CTTNBP2: variants seen among roughly 807,000 people sequenced by gnomAD.
CTTNBP2 encodes cortactin binding protein 2.
CTTNBP2 carries 108 observed loss-of-function variants against 156.9 expected under a neutral mutation model. The ratio of observed to expected loss-of-function variants is 0.69; its 90% CI spans 0.59 to 0.81. The LOEUF is 0.81. CTTNBP2 is among the 30% of genes least tolerant of loss of function. The pLI is 0.00. For missense variants in CTTNBP2, 1,924 were observed against 2,035.4 expected (o/e 0.95, Z 1.05); for synonymous variants, 767 against 751.8 (o/e 1.02, Z -0.33).
intron 14 of CTTNBP2, among the ~76,000 whole-genome samples, chr7:117,740,705 T>C (rs1443716617): frequency 6.6e-6 from 1 of 152,224 alleles, no homozygotes; most frequent in African/African-American, 2.4e-5. Context: ...TTCTCTACCC[T>C]GTGGCCTCAT....
chr7:117,753,349 C>T (rs1796719119), intron 12 of CTTNBP2, among the ~76,000 whole-genome samples: 1 of 152,142 alleles, frequency 6.6e-6, no homozygotes, highest in Non-Finnish European at 1.5e-5. Context: ...TGTGGCGACT[C>T]CTCATTTCTT....
chr7:117,737,970 G>A (rs1177429354), intron 14 of CTTNBP2, among the ~76,000 whole-genome samples: 1 of 152,200 alleles, frequency 6.6e-6, no homozygotes, highest in African/African-American at 2.4e-5. Flanking sequence ...TCAGATCAAG[G>A]TCAGAATAGT....
chr7:117,753,512 C>T (rs1391882204), intron 12 of CTTNBP2, among the ~76,000 whole-genome samples: 1 of 152,142 alleles, frequency 6.6e-6, no homozygotes, highest in East Asian at 1.9e-4. Context: ...TCTAAATGCC[C>T]ATCAATTATA....
At chr7:117,809,587 T>C (rs1800144699) in intron 3 of CTTNBP2, among the ~76,000 whole-genome samples, 1 of 152,200 alleles carries the variant, frequency 6.6e-6, no homozygotes, top group African/African-American at 2.4e-5. Flanking sequence ...TGATTTTGCC[T>C]TACATCTATG....
intron 2 of CTTNBP2, among the ~76,000 whole-genome samples, chr7:117,836,529 C>T (rs1370161658): frequency 6.6e-6 from 1 of 152,186 alleles, no homozygotes; most frequent in Non-Finnish European, 1.5e-5. Flanking sequence ...CGCCACTGCA[C>T]TCCAGCCTGG....
At chr7:117,725,004 T>C in intron 18 of CTTNBP2, 48 bp downstream of exon 18, 1 of 1,543,392 alleles carries the variant, frequency 6.5e-7, no homozygotes, top group Non-Finnish European at 8.9e-7. Context: ...TTAAAAGGTA[T>C]TTCACAAGGG....
At chr7:117,872,962 TG>T (rs1563084196) in intron 1 of CTTNBP2, among the ~76,000 whole-genome samples, 1 of 149,800 alleles carries the variant, frequency 6.7e-6, no homozygotes, top group African/African-American at 2.5e-5. Flanking sequence ...AGGTGAACAA[TG>T]GGGGGTCAAA....
chr7:117,742,941 G>GC (rs1374357241), intron 14 of CTTNBP2, among the ~76,000 whole-genome samples: 1 of 152,218 alleles, frequency 6.6e-6, no homozygotes, highest in African/African-American at 2.4e-5. Flanking sequence ...ATGGGGGCAT[G>GC]CCCCATTCTC....
chr7:117,787,549 AAGAAAAAAC>A (rs749308588), intron 4 of CTTNBP2, among the ~76,000 whole-genome samples: 9 of 152,232 alleles, frequency 5.9e-5, no homozygotes, highest in Non-Finnish European at 1.0e-4. Context: ...CAAATAAAAA[AAGAAAAAAC>A]AGAAAAAACA....
At chr7:117,854,782 T>G (rs1803171197) in intron 2 of CTTNBP2, among the ~76,000 whole-genome samples, 1 of 151,908 alleles carries the variant, frequency 6.6e-6, no homozygotes, top group African/African-American at 2.4e-5. Flanking sequence ...ATTAATTAAT[T>G]AATTTATTTA....
At chr7:117,747,471 C>A (rs975644540) in intron 12 of CTTNBP2, among the ~76,000 whole-genome samples, 3 of 152,168 alleles carry the variant, frequency 2.0e-5, no homozygotes, top group Admixed American at 6.5e-5. Flanking sequence ...TTACCCTAGG[C>A]CTTTAAGACT....
intron 3 of CTTNBP2, among the ~76,000 whole-genome samples, chr7:117,810,496 T>TAG (rs1246477993): frequency 6.6e-6 from 1 of 152,096 alleles, no homozygotes; most frequent in East Asian, 1.9e-4. Flanking sequence ...AACATATATA[T>TAG]AGAGAGAGAT....
At chr7:117,842,301 A>G (rs948539866) in intron 2 of CTTNBP2, among the ~76,000 whole-genome samples, 1 of 152,240 alleles carries the variant, frequency 6.6e-6, no homozygotes, top group Middle Eastern at 3.4e-3. Flanking sequence ...CCCAAGTTCA[A>G]GCAATTCTCC....
intron 2 of CTTNBP2, among the ~76,000 whole-genome samples, chr7:117,829,690 C>T (rs565635086): frequency 2.0e-5 from 3 of 152,306 alleles, no homozygotes; most frequent in African/African-American, 4.8e-5. Context: ...CTCTGTGCTA[C>T]AGTAAATGCC....
intron 14 of CTTNBP2, among the ~76,000 whole-genome samples, chr7:117,739,053 G>A (rs935341555): frequency 6.6e-6 from 1 of 152,104 alleles, no homozygotes; most frequent in African/African-American, 2.4e-5. Context: ...GCTTTCTTTG[G>A]GGGAAAGCTT....
At chr7:117,869,722 A>C (rs755688990) in intron 1 of CTTNBP2, among the ~76,000 whole-genome samples, 2 of 152,184 alleles carry the variant, frequency 1.3e-5, no homozygotes, top group African/African-American at 4.8e-5. Flanking sequence ...ATACAATAAC[A>C]ATGACAGCAA....
rs1374228529 is a variant in CTTNBP2, at chr7:117,784,343, G to A, written c.2180C>T (p.Ser727Leu). The A allele has an allele frequency of 1.2e-6, 2 of 1,612,706 alleles. No homozygotes were observed. Among genetic ancestry groups the A allele is most frequent in the East Asian group, 4.5e-5 (2 of 44,710 alleles). Residue 727 changes from serine (S) to leucine (L), a missense_variant, in exon 5 of 23, where the codon TCA becomes TTA. Physicochemically the swap from Ser to Leu is moderately radical, Grantham distance 145. Transcript: ENST00000160373. ...AAAQGNVTLL[S>L]MLLNEEGLDI... ...CAGTCCTTCTTCATTAAGCAGCATT[G>A]ATAATAAAGTGACATTTCCCTGGGC...
intron 17 of CTTNBP2, among the ~76,000 whole-genome samples, chr7:117,726,920 A>G (rs1166576193): frequency 6.6e-6 from 1 of 152,178 alleles, no homozygotes; most frequent in African/African-American, 2.4e-5. Context: ...CTAACTTGGT[A>G]GCTTGCAAAT....
chr7:117,864,678 T>TCA (rs1554451686), intron 1 of CTTNBP2, among the ~76,000 whole-genome samples: 2 of 83,710 alleles, frequency 2.4e-5, no homozygotes, highest in African/African-American at 3.4e-5. Flanking sequence ...ATTCATATAT[T>TCA]TATATATATT....
Sources: gnomAD v4.1 joint callset for allele counts (sites outside exome capture counted in the v4.1 genomes callset) on GRCh38, gnomAD v4.1.1 for gene constraint, MANE v1.5 for transcripts, NCBI Gene and HGNC (gene_info 2026-07-23, HGNC 2026-07-21) for gene names.